Variants in OR2L13 observed in about 807,000 individuals in gnomAD.
OR2L13 encodes olfactory receptor family 2 subfamily L member 13.
A neutral mutation model predicts 15.3 loss-of-function variants in OR2L13; 14 were observed. The observed-to-expected ratio is 0.91, with a 90% CI of 0.60 to 1.43. OR2L13 has a LOEUF of 1.43. Ranked by LOEUF, OR2L13 falls within the 40% of genes most tolerant of loss-of-function variation. The probability of loss-of-function intolerance (pLI) is 0.00; values close to 1 mark genes in which losing one functional copy is unlikely to be tolerated. For missense variants in OR2L13, 367 were observed against 387.9 expected, an observed-to-expected ratio of 0.95 and a Z score of 0.45; for synonymous variants, 152 against 142.9, an observed-to-expected ratio of 1.06 and a Z score of -0.45.
At chr1:248,087,158 G>A in the OR2L13 span, among the ~76,000 whole-genome samples, 4 of 151,736 alleles carry the variant, frequency 2.6e-5, no homozygotes, top group Non-Finnish European at 5.9e-5. Flanking sequence ...ACAAGCTATT[G>A]ATATAACATG....
At chr1:248,021,919 C>G in the OR2L13 span, 1 of 1,564,024 alleles carries the variant, frequency 6.4e-7, no homozygotes, top group Non-Finnish European at 8.7e-7. Flanking sequence ...CCTTGTGTCT[C>G]CCTTCAGGAA....
At chr1:248,000,077 G>A in the OR2L13 span, among the ~76,000 whole-genome samples, 4 of 149,576 alleles carry the variant, frequency 2.7e-5, no homozygotes, top group African/African-American at 1.0e-4. Context: ...GCCAACTTGT[G>A]CCCCTGCCTT....
At chr1:247,980,608 C>A in the OR2L13 span, among the ~76,000 whole-genome samples, 59 of 152,278 alleles carry the variant, frequency 3.9e-4, 1 homozygote, top group Non-Finnish European at 1.6e-4. Context: ...TATCATAACT[C>A]ATTTCTAAAC....
At chr1:247,950,454 G>T in the OR2L13 span, among the ~76,000 whole-genome samples, 142 of 152,266 alleles carry the variant, frequency 9.3e-4, no homozygotes, top group Non-Finnish European at 1.6e-3. Context: ...TGCCATCAGT[G>T]ATCAAGAATG....
the OR2L13 span, among the ~76,000 whole-genome samples, chr1:247,998,029 G>T: frequency 6.6e-6 from 1 of 152,076 alleles, no homozygotes; most frequent in Non-Finnish European, 1.5e-5. Flanking sequence ...ATGACTACAG[G>T]ACTGCCATCA....
At chr1:247,950,146 T>A in the OR2L13 span, among the ~76,000 whole-genome samples, 1 of 152,042 alleles carries the variant, frequency 6.6e-6, no homozygotes, top group African/African-American at 2.4e-5. Context: ...GTAATTAAAA[T>A]TTTTTTTTGG....
At chr1:248,028,804 C>T in the OR2L13 span, among the ~76,000 whole-genome samples, 1 of 152,154 alleles carries the variant, frequency 6.6e-6, no homozygotes, top group Admixed American at 6.5e-5. Flanking sequence ...TAAAAGTCTT[C>T]CTTGTTTTAC....
At chr1:247,965,945 A>G in the OR2L13 span, 1 of 1,609,210 alleles carries the variant, frequency 6.2e-7, no homozygotes, top group East Asian at 2.2e-5. Flanking sequence ...TTGGTGTGTC[A>G]GGACACCTCC....
At chr1:248,061,528 A>G in the OR2L13 span, 19 of 1,613,672 alleles carry the variant, frequency 1.2e-5, no homozygotes, top group African/African-American at 8.0e-5. Flanking sequence ...CCTCACTCCA[A>G]TGCTCAACCC....
chr1:248,033,318 C>T, the OR2L13 span, among the ~76,000 whole-genome samples: 2 of 152,118 alleles, frequency 1.3e-5, no homozygotes, highest in Non-Finnish European at 2.9e-5. Flanking sequence ...TTTTCAAACA[C>T]CGTTTGTTGA....
the OR2L13 span, among the ~76,000 whole-genome samples, chr1:248,031,536 G>T: frequency 1.3e-5 from 2 of 152,204 alleles, 1 homozygote; most frequent in African/African-American, 4.8e-5. Context: ...CATGCAGGGG[G>T]TGAGGAGATG....
the OR2L13 span, chr1:248,039,932 T>C: frequency 1.3e-5 from 2 of 152,104 alleles, no homozygotes; most frequent in African/African-American, 4.8e-5. Context: ...AAAACAAGAG[T>C]TTCTGTATAA....
chr1:248,050,607 A>C, the OR2L13 span, among the ~76,000 whole-genome samples: 1 of 152,156 alleles, frequency 6.6e-6, no homozygotes, highest in Admixed American at 6.5e-5. Context: ...ATGCTGTTCT[A>C]TGTTATTTTT....
chr1:248,060,984 C>T, the OR2L13 span: 3 of 1,614,068 alleles, frequency 1.9e-6, no homozygotes, highest in East Asian at 6.7e-5. Flanking sequence ...TTCAGAGTTT[C>T]TTCTTCTCGG....
the OR2L13 span, among the ~76,000 whole-genome samples, chr1:248,037,472 G>T: frequency 0.17 from 25,865 of 152,072 alleles, 2,412 homozygotes; most frequent in East Asian, 0.32. Context: ...CTGAGATTGT[G>T]TTGGGCATCA....
the OR2L13 span, among the ~76,000 whole-genome samples, chr1:248,042,472 T>A: frequency 8.6e-5 from 13 of 151,864 alleles, no homozygotes; most frequent in African/African-American, 2.9e-4. Context: ...AACCTGCACA[T>A]TGTGCACATG....
the OR2L13 span, chr1:247,975,375 T>C: frequency 1.8e-5 from 11 of 615,956 alleles, no homozygotes; most frequent in Non-Finnish European, 3.1e-5. Flanking sequence ...GTTCCTATGG[T>C]GAGGTTCTCC....
chr1:248,049,514 C>T, the OR2L13 span, among the ~76,000 whole-genome samples: 1 of 151,948 alleles, frequency 6.6e-6, no homozygotes, highest in Non-Finnish European at 1.5e-5. Context: ...ACATTGGGAG[C>T]AAGATAGAAA....
chr1:248,028,938 G>A, the OR2L13 span, among the ~76,000 whole-genome samples: 318 of 152,276 alleles, frequency 2.1e-3, 3 homozygotes, highest in African/African-American at 6.7e-3. Context: ...TAGACATGGC[G>A]CATACTATTA....
Sources: allele counts gnomAD v4.1 joint callset (sites outside exome capture counted in the v4.1 genomes callset), GRCh38; gene constraint gnomAD v4.1.1; transcripts MANE v1.5; gene names NCBI Gene and HGNC (gene_info 2026-07-23, HGNC 2026-07-21).